The following CHDH variants were observed in gnomAD, a reference collection of about 807,000 sequenced individuals.
CHDH encodes choline dehydrogenase, mitochondrial.
A neutral mutation model predicts 56.9 loss-of-function variants in CHDH; 43 were observed. That is an observed-to-expected ratio of 0.76 (90% CI 0.59 to 0.97). The LOEUF (loss-of-function observed/expected upper bound fraction) is 0.97, where lower values mean the gene tolerates loss of function less well. CHDH is among the 50% of genes least tolerant of loss of function. CHDH has a pLI of 0.00. For synonymous variants in CHDH, 364 were observed against 348.5 expected, an observed-to-expected ratio of 1.04 and a Z score of -0.50; for missense variants, 816 against 821.1, an observed-to-expected ratio of 0.99 and a Z score of 0.08.
Position 53,818,209 on chromosome 3 carries a change from GA to G in CHDH, c.1367-15del. 6.3e-7 allele frequency: 1 copy of G among 1,583,988 alleles called. No homozygotes were observed. Among genetic ancestry groups the G allele is most frequent in the South Asian group, 1.2e-5 (1 of 84,208 alleles). On this transcript the variant is annotated splice_polypyrimidine_tract_variant and intron_variant, in intron 8 of 8. Transcript: ENST00000315251. Reference sequence around the variant, plus strand: ...CAATATCAGTTTCTGTCGAGGAGAAGAAACAGGTGAGGACCCCTCCTTTTGC... The same window carrying G: ...CAATATCAGTTTCTGTCGAGGAGAAGAACAGGTGAGGACCCCTCCTTTTGC...
rs2095611970 is a variant in CHDH, at chr3:53,814,320, G to A, written c.*3457C>T. The A allele has an allele frequency of 6.6e-6, 1 of 152,218 alleles. No individual in the cohort carries two copies. Among genetic ancestry groups the A allele is most frequent in the African/African-American group, 2.4e-5 (1 of 41,452 alleles). 9.4% of individuals were successfully genotyped at this position (152,218 alleles called of 1,614,324 possible). A position where few individuals can be genotyped will look rare whatever the true frequency, so the allele number is the denominator to read the frequency against. ...CCATAGAACTGACATCACGCAGAGA[G>A]CCCCGACTCCCTGATTAGCCCACCC... On this transcript the variant is annotated 3_prime_UTR_variant, in exon 9 of 9. Transcript: ENST00000315251.
At position 53,816,032 on chromosome 3, in the gene CHDH, C is replaced by T. The variant is rs753626295; in HGVS notation, c.*1745G>A. The stretch of plus-strand genomic sequence containing the variant: ...TTTAAAAAATACAGGTAAGATTAAA[C>T]AAGAGCTGCTTAAGATTTTTAAAAG... On this transcript the variant is annotated 3_prime_UTR_variant, in exon 9 of 9. Transcript: ENST00000315251. The T allele has an allele frequency of 2.0e-5, 3 of 151,858 alleles. No homozygotes were observed. The highest frequency in any genetic ancestry group is 1.3e-4 in the Admixed American group (2 of 15,252). The allele number at this position is 151,858 out of a possible 1,614,324, so 9.4% of individuals were successfully genotyped here. A position where few individuals can be genotyped will look rare whatever the true frequency, so the allele number is the denominator to read the frequency against.
intron 1 of CHDH, among the ~76,000 whole-genome samples, chr3:53,841,491 C>T (rs1698668906): frequency 6.6e-6 from 1 of 152,226 alleles, no homozygotes; most frequent in African/African-American, 2.4e-5. Flanking sequence ...AGCTTCACAG[C>T]TCACTGCAAG....
rs1284336141 is a variant in CHDH, at chr3:53,823,493, G to C, written c.516C>G (p.Gly172=). 2 of 1,544,258 alleles carry C rather than the reference G, an allele frequency of 1.3e-6. No homozygotes were observed. The highest frequency in any genetic ancestry group is 1.7e-6 in the Non-Finnish European group (2 of 1,146,118). The change falls in exon 3 of 9, where the codon GGC becomes GGG. Residue 172 remains glycine, a synonymous_variant. Transcript: ENST00000315251. ...GGTACCGGCTGGCGCCCAGCTCGTG[G>C]CCCTGCGCCTTGCGGAAGTAGGGCA... ...HCLPYFRKAQ[G]HELGASRYRG...
In CHDH at chr3:53,815,334, C is replaced by T. The variant is rs930872620; in HGVS notation, c.*2443G>A. The T allele has an allele frequency of 2.6e-5, 4 of 152,268 alleles. No individual in the cohort carries two copies. The highest frequency in any genetic ancestry group is 2.6e-4 in the Admixed American group (4 of 15,292). 9.4% of individuals were successfully genotyped at this position (152,268 alleles called of 1,614,324 possible). On this transcript the variant is annotated 3_prime_UTR_variant, in exon 9 of 9. Transcript: ENST00000315251. ...GAGACTGAAGATGGGGGGGTACCCT[C>T]TGTGCACCCCACTTTGTAGCAAGTG...
chr3:53,813,716 T>TTTTC lies in CHDH; in HGVS notation c.*4057_*4060dup, dbSNP rs1185158578. 13 of 152,360 alleles carry TTTTC rather than the reference T, an allele frequency of 8.5e-5. No homozygotes were observed. The highest frequency in any genetic ancestry group is 2.6e-4 in the African/African-American group (11 of 41,588). The allele number at this position is 152,360 out of a possible 1,614,324, so 9.4% of individuals were successfully genotyped here. Reference sequence around the variant, plus strand: ...TTCAACCTCTCATCGAATATTAAATTTTTCTTTGTAAGAAAAATTTGAAGT... The same window carrying TTTTC: ...TTCAACCTCTCATCGAATATTAAATTTTTCTTTCTTTGTAAGAAAAATTTGAAGT... On this transcript the variant is annotated 3_prime_UTR_variant, in exon 9 of 9. Transcript: ENST00000315251.
chr3:53,815,464 A>T lies in CHDH; in HGVS notation c.*2313T>A, dbSNP rs2095614169. On this transcript the variant is annotated 3_prime_UTR_variant, in exon 9 of 9. Coordinates refer to ENST00000315251, the MANE Select transcript of CHDH (RefSeq NM_018397.5). ...AACGCTCAGGTTCTGGACATGTGAC[A>T]CTTACCATCTTTTCTTTTAAACCTC... The T allele has an allele frequency of 6.6e-6, 1 of 152,216 alleles. No homozygotes were observed. The highest frequency in any genetic ancestry group is 1.5e-5 in the Non-Finnish European group (1 of 68,058). 9.4% of individuals were successfully genotyped at this position (152,216 alleles called of 1,614,324 possible).
intron 1 of CHDH, among the ~76,000 whole-genome samples, chr3:53,844,181 A>T (rs1371851807): frequency 1.3e-5 from 2 of 152,192 alleles, no homozygotes; most frequent in African/African-American, 4.8e-5. Context: ...CTGAACCCAG[A>T]ACAGCAGGAA....
chr3:53,823,836 CT>C lies in CHDH; in HGVS notation c.172del (p.Arg58GlyfsTer160). Reference sequence around the variant, plus strand: ...GCGCTCGGCGGGGTCCTCCGTGAGCCTCCCAGCCAGCACGCAGCCCGCCGAG... The same window carrying C: ...GCGCTCGGCGGGGTCCTCCGTGAGCCCCCAGCCAGCACGCAGCCCGCCGAG... The part of the protein sequence containing the change: ...AGSAGCVLAG[R>X]LTEDPAERVL... On this transcript the variant is annotated frameshift_variant, in exon 3 of 9. Coordinates refer to ENST00000315251, the MANE Select transcript of CHDH (RefSeq NM_018397.5). LOFTEE classifies it high-confidence loss of function. The C allele has an allele frequency of 6.3e-7, 1 of 1,586,410 alleles. No homozygotes were observed. The highest frequency in any genetic ancestry group is 1.1e-5 in the South Asian group (1 of 89,322).
intron 2 of CHDH, among the ~76,000 whole-genome samples, chr3:53,834,188 T>A (rs1698424979): frequency 6.6e-6 from 1 of 152,250 alleles, no homozygotes; most frequent in African/African-American, 2.4e-5. Context: ...GGCTCAGGCC[T>A]GTAATCCCAG....
At chr3:53,838,056 CAAAAAAAAAAAAAAAA>C (rs34971544) in intron 2 of CHDH, among the ~76,000 whole-genome samples, 1 of 58,788 alleles carries the variant, frequency 1.7e-5, no homozygotes, top group Non-Finnish European at 3.0e-5. Context: ...GACTCTGTCT[CAAAAAAAAAAAAAAAA>C]AAAAAAAAAA....
chr3:53,823,617 G>A lies in CHDH; in HGVS notation c.392C>T (p.Ser131Phe). ...YWPRGRVWGGSSSLNAMVYVR... is the reference protein window; with the variant it reads ...YWPRGRVWGGFSSLNAMVYVR... Reference sequence around the variant, plus strand: ...GTAGACCATGGCATTGAGGGATGAGGAGCCACCCCAGACGCGGCCGCGTGG... The same window carrying A: ...GTAGACCATGGCATTGAGGGATGAGAAGCCACCCCAGACGCGGCCGCGTGG... Residue 131 changes from serine to phenylalanine, a missense_variant, in exon 3 of 9, where the codon TCC (serine) becomes TTC (phenylalanine). By Grantham distance (155) the Ser-to-Phe change is radical (BLOSUM62 -2). Coordinates refer to ENST00000315251, the MANE Select transcript of CHDH (RefSeq NM_018397.5). The A allele has an allele frequency of 1.9e-6, 3 of 1,543,982 alleles. No individual in the cohort carries two copies. Among genetic ancestry groups the A allele is most frequent in the Non-Finnish European group, 2.6e-6 (3 of 1,146,248 alleles).
chr3:53,832,986 A>C (rs1698384136), intron 2 of CHDH, among the ~76,000 whole-genome samples: 1 of 152,226 alleles, frequency 6.6e-6, no homozygotes, highest in Non-Finnish European at 1.5e-5. Flanking sequence ...AAATCTATGA[A>C]GGGGAAAGGT....
rs774185248 is a variant in CHDH at position 53,823,904 on chromosome 3, AGAGCCT to A, written c.99_104del (p.Gly34_Ser35del). The A allele has an allele frequency of 1.9e-6, 3 of 1,569,944 alleles. No individual in the cohort carries two copies. In the East Asian group the frequency reaches 7.1e-5, roughly 37 times the overall value. ...CATAGCTGTACTCGTCCCGGCTCTC[AGAGCCT>A]GCGCTGGCCAGGGCCCGGGCACCCA... On this transcript the variant is annotated inframe_deletion, in exon 3 of 9. Coordinates refer to ENST00000315251, the MANE Select transcript of CHDH (RefSeq NM_018397.5).
chr3:53,826,246 G>A (rs1387515574), intron 2 of CHDH, among the ~76,000 whole-genome samples: 2 of 150,648 alleles, frequency 1.3e-5, no homozygotes, highest in Admixed American at 6.6e-5. Flanking sequence ...AGAAACAGAC[G>A]ATTACTTCCT....
rs527618224 is a variant in CHDH at position 53,822,684 on chromosome 3, C to T, written c.704-42G>A. 22 of 1,584,438 alleles carry T rather than the reference C, an allele frequency of 1.4e-5. No individual in the cohort carries two copies. The South Asian group carries it at 2.3e-4, about 17-fold the overall frequency. ...GGTGGTCAGGCATGGCTCCGCCCTC[C>T]CCTGGCACCTGGGCAGGAGGAAGGA... On this transcript the variant is annotated intron_variant, in intron 3 of 8. Coordinates refer to ENST00000315251, the MANE Select transcript of CHDH (RefSeq NM_018397.5).
intron 2 of CHDH, among the ~76,000 whole-genome samples, chr3:53,834,727 C>T (rs189232867): frequency 1.3e-5 from 2 of 152,336 alleles, no homozygotes; most frequent in East Asian, 1.9e-4. Context: ...AAGGGCCCTT[C>T]GCACAGGCCT....
At chr3:53,843,184 C>G (rs1309408915) in intron 1 of CHDH, among the ~76,000 whole-genome samples, 1 of 129,708 alleles carries the variant, frequency 7.7e-6, no homozygotes, top group African/African-American at 3.3e-5. Context: ...ATTTCCCCCC[C>G]CACCTTTTTT....
At position 53,819,520 on chromosome 3, in the gene CHDH, C is replaced by G; in HGVS notation, c.1263+12G>C. 6.3e-7 allele frequency: 1 copy of G among 1,597,492 alleles called. No homozygotes were observed. Among genetic ancestry groups the G allele is most frequent in the Non-Finnish European group, 8.5e-7 (1 of 1,172,536 alleles). ...GACATCCTGGGAAGCCGAGGCTCTTCCACCTGCTCACCTGGTAAGCCTCCT... is the reference window on the plus strand; with the variant it reads ...GACATCCTGGGAAGCCGAGGCTCTTGCACCTGCTCACCTGGTAAGCCTCCT... On this transcript the variant is annotated intron_variant, in intron 7 of 8. Transcript: ENST00000315251. The surrounding 1 kb of genome is among the most constrained non-coding windows in gnomAD (Gnocchi z 5.4).
Sources: allele counts gnomAD v4.1 joint callset (sites outside exome capture counted in the v4.1 genomes callset), GRCh38; gene constraint gnomAD v4.1.1; non-coding constraint Gnocchi (gnomAD v3.1); transcripts MANE v1.5; gene names NCBI Gene and HGNC (gene_info 2026-07-23, HGNC 2026-07-21).